CELF2: variants seen among roughly 807,000 people sequenced by gnomAD.
The protein encoded by CELF2 is CUG triplet repeat RNA-binding protein 2.
Under a neutral mutation model 62.6 loss-of-function variants are expected in CELF2, and 8 were observed. The ratio of observed to expected loss-of-function variants is 0.13; its 90% CI spans 0.07 to 0.23. CELF2 has a LOEUF of 0.23. Among genes scored for constraint, CELF2 ranks in the 10% least tolerant of loss-of-function variants. The pLI is 1.00. For missense variants in CELF2, 333 were observed against 671.0 expected, an observed-to-expected ratio of 0.50 and a Z score of 5.56; for synonymous variants, 258 against 250.0, an observed-to-expected ratio of 1.03 and a Z score of -0.30.
At chr10:11,048,870 A>G (rs912170448) in intron 1 of CELF2, among the ~76,000 whole-genome samples, 2 of 152,246 alleles carry the variant, frequency 1.3e-5, no homozygotes, top group African/African-American at 2.4e-5. Context: ...CTCTGAGTGC[A>G]GAATACCTAA....
the CELF2 span, among the ~76,000 whole-genome samples, chr10:10,571,515 G>A: frequency 6.6e-6 from 1 of 151,566 alleles, no homozygotes; most frequent in African/African-American, 2.4e-5. Flanking sequence ...TCAAGAGCAG[G>A]AGAGAAAGTC....
At position 11,300,502 on chromosome 10, in the gene CELF2, G is replaced by A. The variant is rs972742515; in HGVS notation, c.976+11950G>A. ...TGAGGTCACACCTCACCACTGCAGCGCCCAGTGTCACTTTCCAACCCTACC... is the reference window on the plus strand; with the variant it reads ...TGAGGTCACACCTCACCACTGCAGCACCCAGTGTCACTTTCCAACCCTACC... On this transcript the variant is annotated intron_variant, in intron 9 of 12. Coordinates refer to ENST00000633077, the MANE Select transcript of CELF2 (RefSeq NM_001326342.2). This position sits in a 1 kb window ranked among gnomAD's most constrained non-coding sequence, Gnocchi z 5.5. Among the ~76,000 whole-genome samples the A allele has an allele frequency of 7.9e-5, 12 of 152,108 alleles. No individual in the cohort carries two copies. The highest frequency in any genetic ancestry group is 1.2e-4 in the African/African-American group (5 of 41,428).
the CELF2 span, among the ~76,000 whole-genome samples, chr10:10,777,800 C>G: frequency 6.6e-6 from 1 of 152,098 alleles, no homozygotes; most frequent in African/African-American, 2.4e-5. Flanking sequence ...ATGATCTGGC[C>G]GTTACCTACC....
At chr10:10,792,958 T>C in the CELF2 span, among the ~76,000 whole-genome samples, 1 of 152,206 alleles carries the variant, frequency 6.6e-6, no homozygotes, top group Non-Finnish European at 1.5e-5. Flanking sequence ...TAATCCGTTT[T>C]ACCCTCCTGT....
At chr10:11,299,467 C>G (rs565444364) in intron 9 of CELF2, among the ~76,000 whole-genome samples, 3 of 152,184 alleles carry the variant, frequency 2.0e-5, no homozygotes, top group African/African-American at 4.8e-5. Flanking sequence ...CCCAACCCCC[C>G]CCAGGAAGGC....
At chr10:11,288,620 C>G in intron 9 of CELF2, 68 bp downstream of exon 9, 1 of 1,573,028 alleles carries the variant, frequency 6.4e-7, no homozygotes, top group East Asian at 2.3e-5. Flanking sequence ...TTCCGTGCCT[C>G]CAGGTGCGAG....
At chr10:11,293,246 C>T (rs541906912) in intron 9 of CELF2, among the ~76,000 whole-genome samples, 2 of 152,362 alleles carry the variant, frequency 1.3e-5, no homozygotes, top group East Asian at 1.9e-4. Context: ...TTGCAGTGCT[C>T]ATTCTTGAGA....
chr10:10,810,232 C>T (rs933081683), intron 1 of CELF2, among the ~76,000 whole-genome samples: 1 of 152,108 alleles, frequency 6.6e-6, no homozygotes, highest in Non-Finnish European at 1.5e-5. Context: ...AAAATACAAT[C>T]GTGTACGGAA....
chr10:11,016,893 T>C (rs1247213269), upstream of CELF2, among the ~76,000 whole-genome samples: 1 of 152,242 alleles, frequency 6.6e-6, no homozygotes, highest in Non-Finnish European at 1.5e-5. The surrounding 1 kb of genome is among the most constrained non-coding windows in gnomAD (Gnocchi z 5.2). Context: ...AGTGAAGGTT[T>C]CTCTAAGAGG....
chr10:10,601,422 T>G, the CELF2 span, among the ~76,000 whole-genome samples: 1 of 152,142 alleles, frequency 6.6e-6, no homozygotes, highest in Non-Finnish European at 1.5e-5. Context: ...AATCTGGAGA[T>G]CTAAAGAACT....
rs561401017 is a variant in CELF2 at position 11,008,714 on chromosome 10, T to C, written c.53+3274T>C. 6.6e-6 allele frequency among the ~76,000 whole-genome samples: 1 copy of C among 152,110 alleles called. No homozygotes were observed. The highest frequency in any genetic ancestry group is 6.5e-5 in the Admixed American group (1 of 15,304). On this transcript the variant is annotated intron_variant, in intron 1 of 12. Coordinates refer to the CELF2 transcript ENST00000416382. The surrounding 1 kb of genome is among the most constrained non-coding windows in gnomAD (Gnocchi z 4.5). ...GAGTGTTACGTGGGGACGATCATTC[T>C]GTATTTAAGGTGTCAGAATTCATAG...
intron 1 of CELF2, among the ~76,000 whole-genome samples, chr10:11,129,177 C>T (rs1231276307): frequency 6.6e-6 from 1 of 152,132 alleles, no homozygotes; most frequent in Non-Finnish European, 1.5e-5. Flanking sequence ...TGATGGATTA[C>T]GTTCATTGAT....
the CELF2 span, among the ~76,000 whole-genome samples, chr10:10,608,794 C>A: frequency 6.6e-6 from 1 of 152,172 alleles, no homozygotes; most frequent in Non-Finnish European, 1.5e-5. Context: ...TCTGTATTAT[C>A]TGGAATTCCT....
chr10:10,798,413 A>G (rs1387894268), upstream of CELF2: 2 of 213,934 alleles, frequency 9.3e-6, no homozygotes, highest in Non-Finnish European at 9.2e-6. Flanking sequence ...TTCAGGCTTG[A>G]TCTGTGTTTG....
In CELF2 at chr10:11,191,962, C is replaced by T. The variant is rs151218790; in HGVS notation, c.272-25463C>T. Among the ~76,000 whole-genome samples, 12 of 152,278 alleles carry T rather than the reference C, an allele frequency of 7.9e-5. No individual in the cohort carries two copies. The highest frequency in any genetic ancestry group is 2.6e-4 in the Admixed American group (4 of 15,308). On this transcript the variant is annotated intron_variant, in intron 2 of 12. Transcript: ENST00000633077. The surrounding 1 kb of genome is among the most constrained non-coding windows in gnomAD (Gnocchi z 4.1). ...TGGCAACCCCAGGGAATTTTCCTGA[C>T]AAGTCAGTGTCATTTTATGGGTTAT...
the CELF2 span, among the ~76,000 whole-genome samples, chr10:10,659,518 CTTA>C: frequency 1.3e-5 from 2 of 152,146 alleles, no homozygotes; most frequent in African/African-American, 2.4e-5. Context: ...AATCGCTCCT[CTTA>C]TTATGGGGAG....
chr10:10,466,266 T>C, the CELF2 span, among the ~76,000 whole-genome samples: 1 of 152,250 alleles, frequency 6.6e-6, no homozygotes, highest in Non-Finnish European at 1.5e-5. Context: ...TCTGTCACTA[T>C]AGATTAATTT....
intron 2 of CELF2, among the ~76,000 whole-genome samples, chr10:10,941,301 T>C (rs2047023866): frequency 6.6e-6 from 1 of 152,006 alleles, no homozygotes; most frequent in Non-Finnish European, 1.5e-5. Context: ...CCTGATGCCA[T>C]CCCCCTCTCT....
chr10:10,831,033 GGAGA>G (rs1313628497), intron 1 of CELF2, among the ~76,000 whole-genome samples: 1 of 152,162 alleles, frequency 6.6e-6, no homozygotes, highest in East Asian at 1.9e-4. Context: ...TGAGGCTGGA[GGAGA>G]GAGAATTGCC....
Sources: allele counts gnomAD v4.1 joint callset (sites outside exome capture counted in the v4.1 genomes callset), GRCh38; gene constraint gnomAD v4.1.1; non-coding constraint Gnocchi (gnomAD v3.1); transcripts MANE v1.5; gene names NCBI Gene and HGNC (gene_info 2026-07-23, HGNC 2026-07-21).